DNAH14: variants seen among roughly 807,000 people sequenced by gnomAD.
DNAH14 encodes axonemal beta dynein heavy chain 14.
Under a neutral mutation model 520.9 loss-of-function variants are expected in DNAH14, and 478 were observed. That is an observed-to-expected ratio of 0.92 (90% CI 0.85 to 0.99). The LOEUF (loss-of-function observed/expected upper bound fraction) is 0.99. Ranked by LOEUF, DNAH14 falls within the 50% of genes least tolerant of loss-of-function variation. The pLI is 0.00. For synonymous variants in DNAH14, 1,581 were observed against 1,757.2 expected (o/e 0.90, Z 2.51); for missense variants, 4,831 against 5,234.5 (o/e 0.92, Z 2.38).
intron 41 of DNAH14, 65 bp from the exon 42 acceptor site, chr1:225,231,008 A>T: frequency 8.8e-7 from 1 of 1,131,124 alleles, no homozygotes. Context: ...GTTAAACCTC[A>T]TTAGTTTACC....
rs1328697691 is a variant in DNAH14 at position 225,119,294 on chromosome 1, A to C, written c.4166A>C (p.Lys1389Thr). 29 of 1,511,360 alleles carry C rather than the reference A, an allele frequency of 1.9e-5. No homozygotes were observed. The highest frequency in any genetic ancestry group is 2.6e-5 in the Non-Finnish European group (29 of 1,126,490). 93.6% of individuals were successfully genotyped at this position (1,511,360 alleles called of 1,614,324 possible). The change falls in exon 26 of 86, where the codon AAA becomes ACA. Residue 1389 changes from lysine (K) to threonine (T), a missense_variant and splice_region_variant. Lys to Thr is a moderately conservative substitution (Grantham distance 78). Coordinates refer to ENST00000682510, the MANE Select transcript of DNAH14 (RefSeq NM_001367479.1). ...VEKSMFDVLK[K>T]FLSQGIEDWN... ...AAAAGCATGTTCGATGTGCTAAAAAAGTAAGTACAATTTTCAAATCCTAAA... is the reference window on the plus strand; with the variant it reads ...AAAAGCATGTTCGATGTGCTAAAAACGTAAGTACAATTTTCAAATCCTAAA...
intron 81 of DNAH14, among the ~76,000 whole-genome samples, chr1:225,384,770 C>G (rs1032141066): frequency 1.3e-5 from 2 of 152,132 alleles, no homozygotes; most frequent in Non-Finnish European, 2.9e-5. Flanking sequence ...CAGGACCAGA[C>G]AGATTCACAG....
At chr1:225,062,603 A>G (rs1417422325) in intron 17 of DNAH14, among the ~76,000 whole-genome samples, 1 of 152,218 alleles carries the variant, frequency 6.6e-6, no homozygotes, top group African/African-American at 2.4e-5. Context: ...AGTAGGCAGA[A>G]TGTTCATAGA....
At position 225,209,973 on chromosome 1, in the gene DNAH14, T is replaced by C. The variant is rs181801155; in HGVS notation, c.6439+2753T>C. On this transcript the variant is annotated intron_variant, in intron 41 of 85. Transcript: ENST00000682510. The stretch of plus-strand genomic sequence containing the variant: ...GAGGAACAGTGCATTCTGGCCCAGA[T>C]ACTATGCTTTTCCCATGGTCTTCGC... 3.3e-5 allele frequency among the ~76,000 whole-genome samples: 5 copies of C among 152,170 alleles called. No individual in the cohort carries two copies. The East Asian group carries it at 5.8e-4, about 18-fold the overall frequency.
intron 46 of DNAH14, among the ~76,000 whole-genome samples, chr1:225,262,747 C>G (rs2092977364): frequency 1.3e-5 from 2 of 151,932 alleles, no homozygotes; most frequent in African/African-American, 2.4e-5. Context: ...ATTACTATAG[C>G]CTTGTATTAT....
chr1:225,256,306 C>T lies in DNAH14; in HGVS notation c.6866-1654C>T, dbSNP rs2092730944. On this transcript the variant is annotated intron_variant, in intron 44 of 85. Transcript: ENST00000682510. The stretch of plus-strand genomic sequence containing the variant: ...CAAAAACAGAGAGAATTAGTGCGCA[C>T]GTGTTGGTCATCCAGAAGTTACCAC... 3.3e-5 allele frequency among the ~76,000 whole-genome samples: 5 copies of T among 152,138 alleles called. No homozygotes were observed. The South Asian group carries it at 6.2e-4, about 19-fold the overall frequency.
At chr1:225,112,060 A>T (rs898150634) in intron 23 of DNAH14, among the ~76,000 whole-genome samples, 1 of 152,050 alleles carries the variant, frequency 6.6e-6, no homozygotes, top group South Asian at 2.1e-4. Flanking sequence ...TCTACTTAAG[A>T]TATGAGTAGT....
At chr1:225,306,906 A>AG (rs1193903116) in intron 58 of DNAH14, among the ~76,000 whole-genome samples, 1 of 152,072 alleles carries the variant, frequency 6.6e-6, no homozygotes, top group African/African-American at 2.4e-5. Flanking sequence ...AAATTTCAGT[A>AG]GTCCAGTTTC....
At chr1:225,164,552 T>G (rs1573625385) in intron 35 of DNAH14, among the ~76,000 whole-genome samples, 1 of 152,164 alleles carries the variant, frequency 6.6e-6, no homozygotes, top group East Asian at 1.9e-4. Context: ...TGAATTTATT[T>G]TTGCCTCAGT....
chr1:225,267,817 G>A (rs572435789), intron 49 of DNAH14, among the ~76,000 whole-genome samples: 30 of 151,694 alleles, frequency 2.0e-4, no homozygotes, highest in African/African-American at 4.6e-4. Flanking sequence ...GCATGTGAGC[G>A]CTATCAGGTC....
At chr1:224,973,936 G>T (rs1335909984) in intron 7 of DNAH14, among the ~76,000 whole-genome samples, 155 bp from the exon 8 acceptor site, 1 of 152,146 alleles carries the variant, frequency 6.6e-6, no homozygotes, top group Admixed American at 6.5e-5. Flanking sequence ...TAGTTTGGGA[G>T]AAAATTTATA....
chr1:225,074,925 T>C (rs2072062406), intron 17 of DNAH14, among the ~76,000 whole-genome samples: 1 of 152,186 alleles, frequency 6.6e-6, no homozygotes, highest in Non-Finnish European at 1.5e-5. Flanking sequence ...ACCCCCAGAC[T>C]ATCACTGCTT....
rs189975252 is a variant in DNAH14 at position 225,259,072 on chromosome 1, G to A, written c.7025-49G>A. On this transcript the variant is annotated intron_variant, in intron 45 of 85. Coordinates refer to ENST00000682510, the MANE Select transcript of DNAH14 (RefSeq NM_001367479.1). ...TTGGTTCATTTTAATGTGTTAACATGTATCATTTTCTTGCATATACATCTA... is the reference window on the plus strand; with the variant it reads ...TTGGTTCATTTTAATGTGTTAACATATATCATTTTCTTGCATATACATCTA... 929 of 1,476,024 alleles carry A rather than the reference G, an allele frequency of 6.3e-4. 6 individuals are homozygous for A. In the African/African-American group the frequency reaches 0.012, roughly 20 times the overall value. 91.4% of individuals were successfully genotyped at this position (1,476,024 alleles called of 1,614,324 possible).
At chr1:225,249,423 C>A (rs2092448336) in intron 43 of DNAH14, among the ~76,000 whole-genome samples, 1 of 152,102 alleles carries the variant, frequency 6.6e-6, no homozygotes. Context: ...TAAGAAGTAT[C>A]CTCATTTATT....
At chr1:225,154,752 C>T (rs1348725165) in intron 34 of DNAH14, among the ~76,000 whole-genome samples, 1 of 151,758 alleles carries the variant, frequency 6.6e-6, no homozygotes, top group Admixed American at 6.5e-5. Context: ...AACATATGTC[C>T]TTTTTTCTTG....
In DNAH14 at chr1:225,139,953, T is replaced by C. The variant is rs1034684667; in HGVS notation, c.4255-815T>C. Among the ~76,000 whole-genome samples the C allele has an allele frequency of 3.3e-5, 5 of 152,316 alleles. No individual in the cohort carries two copies. In the East Asian group the frequency reaches 9.7e-4, roughly 29 times the overall value. ...TTGCAACATCCTTTAGGAAAGCCAG[T>C]TCATTTCTGTTGCATGTAACCAAGA... is the stretch of plus-strand genomic sequence containing the variant. On this transcript the variant is annotated intron_variant, in intron 27 of 85. Transcript: ENST00000682510.
chr1:225,344,137 T>C (rs757089181), intron 69 of DNAH14, among the ~76,000 whole-genome samples: 4 of 152,172 alleles, frequency 2.6e-5, no homozygotes, highest in Non-Finnish European at 5.9e-5. Context: ...TTAGTAAAAA[T>C]TGTTCTTGAA....
intron 55 of DNAH14, among the ~76,000 whole-genome samples, chr1:225,299,489 A>G (rs1285656439): frequency 1.3e-5 from 2 of 152,058 alleles, no homozygotes; most frequent in Non-Finnish European, 2.9e-5. Flanking sequence ...TTTCTGCTAT[A>G]TCTATATATT....
intron 17 of DNAH14, among the ~76,000 whole-genome samples, chr1:225,070,433 T>C (rs923844070): frequency 2.0e-5 from 3 of 152,186 alleles, no homozygotes; most frequent in Non-Finnish European, 4.4e-5. Flanking sequence ...TTCAAAAAAC[T>C]TCTTGATTTC....
Sources: allele counts gnomAD v4.1 joint callset (sites outside exome capture counted in the v4.1 genomes callset), GRCh38; gene constraint gnomAD v4.1.1; transcripts MANE v1.5; gene names NCBI Gene and HGNC (gene_info 2026-07-23, HGNC 2026-07-21).